The following MYO16 variants were observed in gnomAD, a reference collection of about 807,000 sequenced individuals.
The protein encoded by MYO16 is unconventional myosin-XVI.
MYO16 carries 94 observed loss-of-function variants against 205.3 expected under a neutral mutation model. That is an observed-to-expected ratio of 0.46 (90% confidence interval 0.39 to 0.54). The LOEUF (loss-of-function observed/expected upper bound fraction) is 0.54, where lower values mean the gene tolerates loss of function less well. Ranked by LOEUF, MYO16 falls within the 20% of genes least tolerant of loss-of-function variation. MYO16 has a pLI of 0.00. For missense variants in MYO16, 2,315 were observed against 2,387.5 expected, an observed-to-expected ratio of 0.97 and a Z score of 0.63; for synonymous variants, 988 against 954.0, an observed-to-expected ratio of 1.04 and a Z score of -0.66.
At chr13:109,083,542 A>G (rs1029349287) in intron 27 of MYO16, among the ~76,000 whole-genome samples, 9 of 152,068 alleles carry the variant, frequency 5.9e-5, no homozygotes, top group Non-Finnish European at 1.3e-4. Flanking sequence ...TTGAGGCATG[A>G]ATGATAGTCA....
At chr13:109,051,939 C>T (rs1253662158) in intron 24 of MYO16, among the ~76,000 whole-genome samples, 1 of 151,980 alleles carries the variant, frequency 6.6e-6, no homozygotes, top group Non-Finnish European at 1.5e-5. Flanking sequence ...TGGAATGGGG[C>T]GTTTCTAATA....
At chr13:108,698,449 T>C (rs1883174312) in intron 2 of MYO16, among the ~76,000 whole-genome samples, 1 of 152,212 alleles carries the variant, frequency 6.6e-6, no homozygotes, top group Non-Finnish European at 1.5e-5. Flanking sequence ...GGAAATCTTG[T>C]GATCCTGTGG....
intron 6 of MYO16, among the ~76,000 whole-genome samples, chr13:108,794,486 T>G (rs1886722436): frequency 6.6e-6 from 1 of 152,238 alleles, no homozygotes; most frequent in African/African-American, 2.4e-5. Flanking sequence ...ATGTAACTTA[T>G]AGGAGCATGC....
At chr13:108,958,586 C>T (rs192777934) in intron 17 of MYO16, among the ~76,000 whole-genome samples, 2 of 152,140 alleles carry the variant, frequency 1.3e-5, no homozygotes, top group South Asian at 2.1e-4. Context: ...TTTCCAGCCA[C>T]GTGTGGCTCC....
chr13:108,724,753 A>G (rs950880794), intron 3 of MYO16, among the ~76,000 whole-genome samples: 3 of 152,130 alleles, frequency 2.0e-5, no homozygotes, highest in African/African-American at 7.2e-5. Flanking sequence ...GCATAAAAAC[A>G]TTCCTTACAA....
intron 21 of MYO16, among the ~76,000 whole-genome samples, chr13:108,999,558 T>C (rs569788207): frequency 1.3e-5 from 2 of 152,334 alleles, no homozygotes; most frequent in Non-Finnish European, 2.9e-5. Flanking sequence ...TGTTTATAGA[T>C]AGCATGATTA....
rs561010762 is a variant in MYO16, at chr13:108,897,059, G to A, written c.1660-957G>A. Among the ~76,000 whole-genome samples the A allele has an allele frequency of 1.4e-4, 22 of 152,106 alleles. No individual in the cohort carries two copies. The East Asian group carries it at 4.2e-3, about 29-fold the overall frequency. On this transcript the variant is annotated intron_variant, in intron 14 of 34. Coordinates refer to ENST00000457511, the MANE Select transcript of MYO16 (RefSeq NM_001198950.3). ...GGATCAAAGCACTTAAAAAAAAGTAGGATAGTGTTCTCAAAAAAACACTAT... is the reference window on the plus strand; with the variant it reads ...GGATCAAAGCACTTAAAAAAAAGTAAGATAGTGTTCTCAAAAAAACACTAT...
At chr13:109,092,667 C>A (rs758213918) in intron 27 of MYO16, among the ~76,000 whole-genome samples, 3 of 152,128 alleles carry the variant, frequency 2.0e-5, no homozygotes, top group Non-Finnish European at 4.4e-5. Context: ...CAACAAACCC[C>A]CTGACACATG....
chr13:108,887,180 G>C (rs1879940323), intron 13 of MYO16, among the ~76,000 whole-genome samples: 1 of 151,894 alleles, frequency 6.6e-6, no homozygotes, highest in African/African-American at 2.4e-5. Flanking sequence ...ATTTCATTTT[G>C]TTTTCTAATA....
At chr13:108,912,100 G>A (rs1335340008) in intron 16 of MYO16, among the ~76,000 whole-genome samples, 5 of 152,166 alleles carry the variant, frequency 3.3e-5, no homozygotes. Flanking sequence ...GTGTGATGGA[G>A]CCAATGTGAG....
At chr13:108,659,785 C>T (rs548017843) in intron 1 of MYO16, among the ~76,000 whole-genome samples, 5 of 152,194 alleles carry the variant, frequency 3.3e-5, no homozygotes, top group African/African-American at 1.2e-4. Flanking sequence ...TATTGACTAC[C>T]TCCTGTTCCA....
chr13:108,869,361 T>C (rs1487618375), intron 12 of MYO16, among the ~76,000 whole-genome samples: 1 of 152,132 alleles, frequency 6.6e-6, no homozygotes, highest in African/African-American at 2.4e-5. Context: ...TAAATGCTGT[T>C]ATAAATAATC....
At position 109,068,461 on chromosome 13, in the gene MYO16, A is replaced by ACTT. The variant is rs1308028471; in HGVS notation, c.3335+12867_3335+12869dup. 2.0e-5 allele frequency among the ~76,000 whole-genome samples: 3 copies of ACTT among 152,184 alleles called. No individual in the cohort carries two copies. The East Asian group carries it at 5.8e-4, about 30-fold the overall frequency. Reference sequence around the variant, plus strand: ...TGGAACTGCTGGTCTCATCCAGTAAACTTATAATAATGGGCATGGCTATAC... The same window carrying ACTT: ...TGGAACTGCTGGTCTCATCCAGTAAACTTCTTATAATAATGGGCATGGCTATAC... On this transcript the variant is annotated intron_variant, in intron 27 of 34. Transcript: ENST00000457511.
At chr13:109,041,830 T>G (rs1886892499) in intron 23 of MYO16, among the ~76,000 whole-genome samples, 1 of 150,168 alleles carries the variant, frequency 6.7e-6, no homozygotes, top group Non-Finnish European at 1.5e-5. Context: ...AGGGCATAAA[T>G]GGACATCATT....
chr13:108,593,927 C>T (rs1878468861), upstream of MYO16, among the ~76,000 whole-genome samples: 2 of 152,218 alleles, frequency 1.3e-5, no homozygotes, highest in African/African-American at 2.4e-5. Context: ...CTGGCAGACA[C>T]AGCTGGCCCA....
At chr13:108,977,076 A>G (rs1884290352) in intron 20 of MYO16, among the ~76,000 whole-genome samples, 1 of 152,310 alleles carries the variant, frequency 6.6e-6, no homozygotes, top group Non-Finnish European at 1.5e-5. Context: ...CTGGTTTTTC[A>G]TAACAAATAT....
intron 15 of MYO16, among the ~76,000 whole-genome samples, chr13:108,904,992 A>G (rs1412175829): frequency 6.6e-6 from 1 of 152,220 alleles, no homozygotes; most frequent in African/African-American, 2.4e-5. Flanking sequence ...ATTCTTATCA[A>G]ATAATCACTT....
intron 32 of MYO16, among the ~76,000 whole-genome samples, chr13:109,156,627 A>G (rs1349243716): frequency 6.6e-6 from 1 of 152,194 alleles, no homozygotes; most frequent in Non-Finnish European, 1.5e-5. Context: ...TGGTGTTTTC[A>G]GCATCTTGTT....
chr13:109,176,589 A>AAAAAAAAAAAAAAAC (rs1879195738), intron 33 of MYO16, among the ~76,000 whole-genome samples: 1 of 147,858 alleles, frequency 6.8e-6, no homozygotes, highest in Non-Finnish European at 1.5e-5. Flanking sequence ...AAAAAAAAAA[A>AAAAAAAAAAAAAAAC]AAAAAAAAAA....
Sources: gnomAD v4.1 joint callset for allele counts (sites outside exome capture counted in the v4.1 genomes callset) on GRCh38, gnomAD v4.1.1 for gene constraint, MANE v1.5 for transcripts, NCBI Gene and HGNC (gene_info 2026-07-23, HGNC 2026-07-21) for gene names.